ZNF541: variants seen among roughly 807,000 people sequenced by gnomAD.
ZNF541 encodes the protein zinc finger protein 541.
A neutral mutation model predicts 123.5 loss-of-function variants in ZNF541; 23 were observed. That is an observed-to-expected ratio of 0.19 (90% CI 0.13 to 0.26). ZNF541 has a LOEUF of 0.26. Among genes scored for constraint, ZNF541 ranks in the 10% least tolerant of loss-of-function variants. The probability of loss-of-function intolerance (pLI) is 1.00; values close to 1 mark genes in which losing one functional copy is unlikely to be tolerated. For synonymous variants in ZNF541, 751 were observed against 754.5 expected, an observed-to-expected ratio of 1.00 and a Z score of 0.08; for missense variants, 1,612 against 1,789.9, an observed-to-expected ratio of 0.90 and a Z score of 1.79.
intron 9 of ZNF541, 85 bp downstream of exon 9, chr19:47,538,057 G>A (rs1188593079): frequency 1.3e-5 from 19 of 1,462,516 alleles, no homozygotes; most frequent in Admixed American, 2.1e-5. Context: ...GACAATCACT[G>A]AACCCAATGC....
chr19:47,557,988 G>A (rs1482974482), intron 2 of ZNF541, among the ~76,000 whole-genome samples: 1 of 151,816 alleles, frequency 6.6e-6, no homozygotes. Flanking sequence ...CCCAAAATGG[G>A]CAGGGGGAGT....
At chr19:47,525,316 T>C (rs919692271) in intron 14 of ZNF541, among the ~76,000 whole-genome samples, 3 of 151,946 alleles carry the variant, frequency 2.0e-5, no homozygotes, top group African/African-American at 7.2e-5. Flanking sequence ...CTCTCCTCAA[T>C]TGGCCTATAG....
At chr19:47,563,669 C>G (rs1971152879) in intron 2 of ZNF541, among the ~76,000 whole-genome samples, 1 of 152,150 alleles carries the variant, frequency 6.6e-6, no homozygotes, top group African/African-American at 2.4e-5. Flanking sequence ...TGCAGTGGTG[C>G]AATCTCGGCT....
At position 47,553,408 on chromosome 19, in the gene ZNF541, CTT is replaced by C. The variant is rs1291200798; in HGVS notation, c.307+2140_307+2141del. Among the ~76,000 whole-genome samples the C allele has an allele frequency of 6.0e-3, 706 of 116,860 alleles. 2 individuals are homozygous for C. The highest frequency in any genetic ancestry group is 0.01 in the Non-Finnish European group (570 of 54,960). The allele number at this position is 116,860 out of a possible 152,430, so 76.7% of individuals were successfully genotyped here. On this transcript the variant is annotated intron_variant, in intron 3 of 16. Transcript: ENST00000391901. ...CACCCACCACCATGCCAGGCTAATT[CTT>C]TTTTTTTTTTTTTTTTTGAGACGGA...
At chr19:47,556,349 C>A (rs1269686941) in intron 2 of ZNF541, among the ~76,000 whole-genome samples, 2 of 152,184 alleles carry the variant, frequency 1.3e-5, no homozygotes, top group African/African-American at 4.8e-5. Flanking sequence ...CTCACGTAGG[C>A]CCCAGGGGAA....
chr19:47,549,351 C>T lies in ZNF541; in HGVS notation c.442G>A (p.Val148Met). Reference sequence around the variant, plus strand: ...CTCAGAGAACTGGCGCTGCTGAACACCTTCCCGCACAGGCTGCAGTCCAGA... The same window carrying T: ...CTCAGAGAACTGGCGCTGCTGAACATCTTCCCGCACAGGCTGCAGTCCAGA... The part of the protein sequence containing the change: ...PLLDCSLCGK[V>M]FSSASSLSKH... The change falls in exon 4 of 17, where the codon GTG becomes ATG. Residue 148 changes from valine to methionine, a missense_variant. Val to Met is a conservative substitution (Grantham distance 21). This residue lies in a region of ZNF541 where 212 missense variants were observed against 289.6 expected (regional missense o/e 0.73). Transcript: ENST00000391901. 6.4e-7 allele frequency: 1 copy of T among 1,551,740 alleles called. No homozygotes were observed.
At position 47,544,334 on chromosome 19, in the gene ZNF541, T is replaced by C. The variant is rs757344707; in HGVS notation, c.2195A>G (p.Glu732Gly). 10 of 1,551,648 alleles carry C rather than the reference T, an allele frequency of 6.4e-6. No homozygotes were observed. The highest frequency in any genetic ancestry group is 7.8e-6 in the Non-Finnish European group (9 of 1,147,000). The change falls in exon 5 of 17, where the codon GAA (glutamate) becomes GGA (glycine). Residue 732 changes from glutamate to glycine, a missense_variant. This residue lies in a region of ZNF541 where 1,080 missense variants were observed against 1,013.8 expected (regional missense o/e 1.07). Transcript: ENST00000391901. The part of the protein sequence containing the change: ...NGAASRITKG[E>G]KGPACSRGGG... ...ACCCCGGGAGCAGGCTGGGCCCTTTTCACCTTTTGTGATCCTTGAAGCCGC... is the reference window on the plus strand; with the variant it reads ...ACCCCGGGAGCAGGCTGGGCCCTTTCCACCTTTTGTGATCCTTGAAGCCGC...
At chr19:47,530,040 T>C (rs1160250193) in intron 12 of ZNF541, among the ~76,000 whole-genome samples, 1 of 152,194 alleles carries the variant, frequency 6.6e-6, no homozygotes, top group African/African-American at 2.4e-5. Context: ...AAACATTTTA[T>C]TTTTAAAGAT....
In ZNF541 at chr19:47,521,650, G is replaced by A; in HGVS notation, c.3716C>T (p.Pro1239Leu). The A allele has an allele frequency of 1.3e-6, 2 of 1,551,622 alleles. No individual in the cohort carries two copies. Among genetic ancestry groups the A allele is most frequent in the Middle Eastern group, 1.7e-4 (1 of 5,990 alleles). ...EEVERTEEKV[P>L]CSPRERPSHH... is the part of the protein sequence containing the mutation. ...GCTGGGTCTCTCCCGAGGGCTGCAT[G>A]GGACCTGCAGAGGGAGCAAAAGTGA... Residue 1239 changes from proline to leucine, a missense_variant, in exon 16 of 17, where the codon CCA becomes CTA. Pro to Leu is a moderately conservative substitution (Grantham distance 98, BLOSUM62 -3). Transcript: ENST00000391901. The surrounding 1 kb of genome is among the most constrained non-coding windows in gnomAD (Gnocchi z 4.2).
intron 2 of ZNF541, among the ~76,000 whole-genome samples, chr19:47,562,142 G>A (rs1338051849): frequency 6.6e-6 from 1 of 152,044 alleles, no homozygotes; most frequent in Non-Finnish European, 1.5e-5. Flanking sequence ...CCAGCTACAC[G>A]GGAGGCTGAG....
chr19:47,549,762 C>T (rs2073611558), intron 3 of ZNF541, among the ~76,000 whole-genome samples: 1 of 152,118 alleles, frequency 6.6e-6, no homozygotes, highest in Admixed American at 6.6e-5. Context: ...TATGACCACA[C>T]CATCACCTGG....
At chr19:47,532,637 C>T (rs1969627928) in intron 10 of ZNF541, among the ~76,000 whole-genome samples, 1 of 152,070 alleles carries the variant, frequency 6.6e-6, no homozygotes, top group South Asian at 2.1e-4. Context: ...TACCTGGAAC[C>T]CCAAGGTCCA....
At chr19:47,554,036 C>T (rs1323254243) in intron 3 of ZNF541, among the ~76,000 whole-genome samples, 1 of 152,132 alleles carries the variant, frequency 6.6e-6, no homozygotes, top group Non-Finnish European at 1.5e-5. Flanking sequence ...GGTCTACCTT[C>T]AATATGAAAG....
intron 2 of ZNF541, among the ~76,000 whole-genome samples, chr19:47,559,508 T>G (rs1371025241): frequency 6.6e-6 from 1 of 152,040 alleles, no homozygotes; most frequent in East Asian, 1.9e-4. Context: ...TTAACAAAAC[T>G]CTGGGAAGCA....
Position 47,539,822 on chromosome 19 carries a change from G to A in ZNF541, c.2679C>T (p.Asp893=). 4 of 1,500,800 alleles carry A rather than the reference G, an allele frequency of 2.7e-6. No individual in the cohort carries two copies. The highest frequency in any genetic ancestry group is 2.7e-5 in the South Asian group (2 of 75,252). 93.0% of individuals were successfully genotyped at this position (1,500,800 alleles called of 1,614,324 possible). A position where few individuals can be genotyped will look rare whatever the true frequency, so the allele number is the denominator to read the frequency against. The change falls in exon 8 of 17, where the codon GAC becomes GAT. Residue 893 remains aspartate, a synonymous_variant. Transcript: ENST00000391901. ...PLRQVLRPEG[D]RHSPPGTKKP... ...TCTTGGTTCCTGGGGGACTATGCCT[G>A]TCCCCTTCTGGCCTCAGCACCTGTC...
rs747927039 is a variant in ZNF541, at chr19:47,540,321, C to A, written c.2477G>T (p.Gly826Val). ...GGGCTTCGTCCAGTCTGTGGGACTG[C>A]CGTTTTGCTGGTTACTGTGGGACAT... ...NVAGRGNQQN[G>V]SPTDWTKPRS... The change falls in exon 7 of 17, where the codon GGC (glycine) becomes GTC (valine). Residue 826 changes from glycine (G) to valine (V), a missense_variant. Gly to Val is a moderately radical substitution (Grantham distance 109, BLOSUM62 -3). Transcript: ENST00000391901. 48 of 1,551,540 alleles carry A rather than the reference C, an allele frequency of 3.1e-5. No individual in the cohort carries two copies. In the South Asian group the frequency reaches 4.3e-4, roughly 14 times the overall value.
intron 2 of ZNF541, among the ~76,000 whole-genome samples, chr19:47,557,809 C>T (rs2974190): frequency 0.23 from 35,046 of 151,122 alleles, 9,139 homozygotes; most frequent in African/African-American, 0.65. Flanking sequence ...ATCTACCTTA[C>T]AGACCCTGGT....
At chr19:47,564,115 C>G (rs771076661) in intron 2 of ZNF541, among the ~76,000 whole-genome samples, 10 of 152,188 alleles carry the variant, frequency 6.6e-5, no homozygotes, top group Non-Finnish European at 1.5e-4. Context: ...GCCCATTACA[C>G]AGTACTGATT....
intron 14 of ZNF541, among the ~76,000 whole-genome samples, chr19:47,527,999 C>CTTTT (rs1022343366): frequency 8.5e-6 from 1 of 118,218 alleles, no homozygotes; most frequent in Non-Finnish European, 1.8e-5. Flanking sequence ...ACGCCAGGCC[C>CTTTT]TTTTTTTTTT....
Sources: gnomAD v4.1 joint callset for allele counts (sites outside exome capture counted in the v4.1 genomes callset) on GRCh38, gnomAD v4.1.1 for gene constraint, gnomAD v4.1.1 regional missense constraint, Gnocchi (gnomAD v3.1) non-coding constraint, MANE v1.5 for transcripts, NCBI Gene and HGNC (gene_info 2026-07-23, HGNC 2026-07-21) for gene names.